SPSB1: variants seen among roughly 807,000 people sequenced by gnomAD.
SPSB1 encodes the protein splA/ryanodine receptor domain and SOCS box containing 1, also known as SPRY domain-containing SOCS box protein 1.
A neutral mutation model predicts 21.2 loss-of-function variants in SPSB1; 8 were observed. That is an observed-to-expected ratio of 0.38 (90% CI 0.22 to 0.68). The LOEUF is 0.68. Among genes scored for constraint, SPSB1 ranks in the 30% least tolerant of loss-of-function variants. The pLI, the probability that SPSB1 is intolerant of heterozygous loss-of-function variation, is 0.53. For synonymous variants in SPSB1, 169 were observed against 161.7 expected (o/e 1.05, Z -0.34); for missense variants, 242 against 377.8 (o/e 0.64, Z 2.98).
rs1337718224 is a variant in SPSB1 at position 9,368,771 on chromosome 1, G to T, written c.*1196G>T. On this transcript the variant is annotated 3_prime_UTR_variant, in exon 3 of 3. Transcript: ENST00000328089. ...TCGAGCCTCACAGAAGCCAGCGCGG[G>T]TCTCTGCTCAGCACCCCAGCCGGGG... The T allele has an allele frequency of 6.6e-6, 1 of 151,960 alleles. No individual in the cohort carries two copies. The highest frequency in any genetic ancestry group is 1.5e-5 in the Non-Finnish European group (1 of 67,990). The allele number at this position is 151,960 out of a possible 1,614,324, so 9.4% of individuals were successfully genotyped here. A position where few individuals can be genotyped will look rare whatever the true frequency, so the allele number is the denominator to read the frequency against.
At chr1:9,316,523 A>G (rs1042756676) in intron 1 of SPSB1, among the ~76,000 whole-genome samples, 1 of 152,160 alleles carries the variant, frequency 6.6e-6, no homozygotes, top group Non-Finnish European at 1.5e-5. Flanking sequence ...CTGCTGGGCC[A>G]GGCATCACGC....
chr1:9,356,176 T>C lies in SPSB1; in HGVS notation c.285T>C (p.Arg95=). The C allele has an allele frequency of 3.2e-6, 5 of 1,586,850 alleles. No individual in the cohort carries two copies. The South Asian group carries it at 5.8e-5, about 18-fold the overall frequency. The part of the protein sequence containing the change: ...DAIRGKVGYT[R]GLHVWQITWA... Reference sequence around the variant, plus strand: ...TCAGGGGCAAAGTCGGGTATACCCGTGGGCTGCACGTGTGGCAGATCACGT... The same window carrying C: ...TCAGGGGCAAAGTCGGGTATACCCGCGGGCTGCACGTGTGGCAGATCACGT... The change falls in exon 2 of 3, where the codon CGT becomes CGC. Residue 95 remains arginine, a synonymous_variant. Coordinates refer to ENST00000328089, the MANE Select transcript of SPSB1 (RefSeq NM_025106.4). This position sits in a 1 kb window ranked among gnomAD's most constrained non-coding sequence, Gnocchi z 7.4.
chr1:9,328,982 C>T (rs1295426986), intron 1 of SPSB1, among the ~76,000 whole-genome samples: 1 of 152,160 alleles, frequency 6.6e-6, no homozygotes, highest in African/African-American at 2.4e-5. Flanking sequence ...GTAAAATCAC[C>T]CAGGTTGAAA....
chr1:9,300,069 G>T (rs1173051801), intron 1 of SPSB1, among the ~76,000 whole-genome samples: 1 of 152,016 alleles, frequency 6.6e-6, no homozygotes, highest in Non-Finnish European at 1.5e-5. Flanking sequence ...AGCCTTATTG[G>T]TAGGACATTT....
At chr1:9,354,424 C>T (rs925490296) in intron 1 of SPSB1, among the ~76,000 whole-genome samples, 11 of 152,162 alleles carry the variant, frequency 7.2e-5, no homozygotes, top group African/African-American at 2.7e-4. Flanking sequence ...TGACCCCAAA[C>T]CAGGCTGCCC....
chr1:9,336,958 C>T (rs1257979266), intron 1 of SPSB1, among the ~76,000 whole-genome samples: 2 of 152,176 alleles, frequency 1.3e-5, no homozygotes, highest in East Asian at 1.9e-4. Flanking sequence ...TGAGGGGCCG[C>T]TTCACAGTGC....
chr1:9,310,522 GTC>G (rs1167512584), intron 1 of SPSB1, among the ~76,000 whole-genome samples: 1 of 152,012 alleles, frequency 6.6e-6, no homozygotes, highest in Non-Finnish European at 1.5e-5. Flanking sequence ...GTGAAACCCC[GTC>G]TCTACTAAAA....
chr1:9,328,013 C>T (rs1000710471), intron 1 of SPSB1, among the ~76,000 whole-genome samples: 5 of 152,248 alleles, frequency 3.3e-5, no homozygotes, highest in Non-Finnish European at 7.3e-5. Flanking sequence ...GCTGCAATCA[C>T]ACTTACGCTT....
intron 1 of SPSB1, among the ~76,000 whole-genome samples, chr1:9,347,181 C>T (rs762326307): frequency 1.3e-5 from 2 of 152,164 alleles, no homozygotes; most frequent in Non-Finnish European, 2.9e-5. Flanking sequence ...GTTTTAAACG[C>T]CCTTCTACCA....
intron 1 of SPSB1, among the ~76,000 whole-genome samples, chr1:9,299,479 TC>T (rs1242213048): frequency 6.6e-6 from 1 of 152,022 alleles, no homozygotes; most frequent in Non-Finnish European, 1.5e-5. Flanking sequence ...TCTCTCTCTC[TC>T]TCTCTCTCTT....
chr1:9,306,027 G>A (rs935558440), intron 1 of SPSB1, among the ~76,000 whole-genome samples: 1 of 152,146 alleles, frequency 6.6e-6, no homozygotes, highest in Non-Finnish European at 1.5e-5. Context: ...TTTAGGGAAC[G>A]AAGGCGTGTT....
intron 1 of SPSB1, among the ~76,000 whole-genome samples, chr1:9,296,594 A>ACACACACAAACGTGTGCATG (rs1553123074): frequency 2.6e-5 from 4 of 151,968 alleles, no homozygotes; most frequent in Admixed American, 6.6e-5. Flanking sequence ...ACATGTGTAC[A>ACACACACAAACGTGTGCATG]CACACATACA....
chr1:9,358,469 T>C (rs1005756384), intron 2 of SPSB1, among the ~76,000 whole-genome samples: 8 of 152,158 alleles, frequency 5.3e-5, no homozygotes, highest in Non-Finnish European at 1.0e-4. Context: ...TCTGTCTCCC[T>C]AGGTGTCAGA....
At chr1:9,353,204 C>T (rs1045602127) in intron 1 of SPSB1, among the ~76,000 whole-genome samples, 2 of 152,148 alleles carry the variant, frequency 1.3e-5, no homozygotes, top group Non-Finnish European at 2.9e-5. Flanking sequence ...CCCGGCCCCT[C>T]GAGAGCCGCC....
chr1:9,293,575 C>T lies in SPSB1; in HGVS notation c.-150+504C>T, dbSNP rs530231962. On this transcript the variant is annotated intron_variant, in intron 1 of 2. Coordinates refer to ENST00000328089, the MANE Select transcript of SPSB1 (RefSeq NM_025106.4). The surrounding 1 kb of genome is among the most constrained non-coding windows in gnomAD (Gnocchi z 5.1). ...GCGCCCCCACCCTCCCGCAGCGCCT[C>T]CCCCAGGGAGCCTGCCGGGGACACC... is the stretch of plus-strand genomic sequence containing the variant. 3.3e-5 allele frequency among the ~76,000 whole-genome samples: 5 copies of T among 151,870 alleles called. No homozygotes were observed. Among genetic ancestry groups the T allele is most frequent in the Non-Finnish European group, 5.9e-5 (4 of 67,938 alleles).
chr1:9,303,699 A>G (rs1482699728), intron 1 of SPSB1, among the ~76,000 whole-genome samples: 1 of 152,192 alleles, frequency 6.6e-6, no homozygotes, highest in Non-Finnish European at 1.5e-5. Flanking sequence ...TATGCAGGAT[A>G]GTAGTGTCAC....
Position 9,356,681 on chromosome 1 carries a change from T to G in SPSB1, c.694+96T>G. On this transcript the variant is annotated intron_variant, in intron 2 of 2. Transcript: ENST00000328089. This position sits in a 1 kb window ranked among gnomAD's most constrained non-coding sequence, Gnocchi z 7.4. ...AAAAGTTGATTCATTGGAACTAGAG[T>G]GTTTTGAAGACGATATTCCAGTGTA... 3.4e-6 allele frequency: 5 copies of G among 1,490,390 alleles called. No homozygotes were observed. In the South Asian group the frequency reaches 6.9e-5, roughly 20 times the overall value. 92.3% of individuals were successfully genotyped at this position (1,490,390 alleles called of 1,614,324 possible). A position where few individuals can be genotyped will look rare whatever the true frequency, so the allele number is the denominator to read the frequency against.
Position 9,356,068 on chromosome 1 carries a change from C to T in SPSB1, c.177C>T (p.Asn59=), listed in dbSNP as rs112547723. 2,258 of 1,613,426 alleles carry T rather than the reference C, an allele frequency of 1.4e-3. 18 individuals carry two copies. The highest frequency in any genetic ancestry group is 8.7e-3 in the African/African-American group (651 of 75,018). ...AGCTGCTGCATTCATGGAACAACAA[C>T]GACCGATCGCTCAATGTCTTTGTGA... ...DVQLLHSWNN[N]DRSLNVFVKE... is the part of the protein sequence containing the mutation. The change falls in exon 2 of 3, where the codon AAC becomes AAT. Residue 59 remains asparagine, a synonymous_variant. Coordinates refer to ENST00000328089, the MANE Select transcript of SPSB1 (RefSeq NM_025106.4). This position sits in a 1 kb window ranked among gnomAD's most constrained non-coding sequence, Gnocchi z 7.4.
intron 1 of SPSB1, among the ~76,000 whole-genome samples, chr1:9,313,018 C>G (rs572477458): frequency 1.0e-3 from 155 of 152,334 alleles, no homozygotes; most frequent in African/African-American, 3.3e-3. Context: ...GTTCTGGGCA[C>G]TTTCCACACA....
Sources: gnomAD v4.1 joint callset for allele counts (sites outside exome capture counted in the v4.1 genomes callset) on GRCh38, gnomAD v4.1.1 for gene constraint, Gnocchi (gnomAD v3.1) non-coding constraint, MANE v1.5 for transcripts, NCBI Gene and HGNC (gene_info 2026-07-23, HGNC 2026-07-21) for gene names.